Variants in KLHDC4 observed in about 807,000 individuals in gnomAD.
KLHDC4 encodes the protein kelch domain-containing protein 4.
KLHDC4 carries 90 observed loss-of-function variants against 62.4 expected under a neutral mutation model. That is an observed-to-expected ratio of 1.44 (90% CI 1.22 to 1.72). The LOEUF (loss-of-function observed/expected upper bound fraction) is 1.72. Ranked by LOEUF, KLHDC4 falls within the 40% of genes most tolerant of loss-of-function variation. The pLI is 0.00. For synonymous variants in KLHDC4, 386 were observed against 284.4 expected (o/e 1.36, Z -3.59); for missense variants, 1,025 against 699.7 (o/e 1.47, Z -5.25).
At position 87,709,495 on chromosome 16, in the gene KLHDC4, C is replaced by T. The variant is rs1171843742; in HGVS notation, c.1217G>A (p.Gly406Asp). The T allele has an allele frequency of 6.2e-7, 1 of 1,611,976 alleles. No homozygotes were observed. Among genetic ancestry groups the T allele is most frequent in the Non-Finnish European group, 8.5e-7 (1 of 1,179,870 alleles). ...VTIKQVLTAPGSAGQPRSEDE... is the reference protein window; with the variant it reads ...VTIKQVLTAPDSAGQPRSEDE... Reference sequence around the variant, plus strand: ...CTCAGACCGGGGCTGCCCCGCCGAGCCTGGCGCGGTGAGCACCTGCTTAAT... The same window carrying T: ...CTCAGACCGGGGCTGCCCCGCCGAGTCTGGCGCGGTGAGCACCTGCTTAAT... The change falls in exon 10 of 12, where the codon GGC (glycine) becomes GAC (aspartate). Residue 406 changes from glycine (G) to aspartate (D), a missense_variant. Coordinates refer to ENST00000270583, the MANE Select transcript of KLHDC4 (RefSeq NM_017566.4).
rs138345475 is a variant in KLHDC4 at position 87,729,882 on chromosome 16, G to C, written c.599+670C>G. On this transcript the variant is annotated intron_variant, in intron 6 of 11. Coordinates refer to ENST00000270583, the MANE Select transcript of KLHDC4 (RefSeq NM_017566.4). Reference sequence around the variant, plus strand: ...CACTCCAGGCCTCTGACTCAGAGCTGCGATCAGCACTCTAACCAGCCCTCT... The same window carrying C: ...CACTCCAGGCCTCTGACTCAGAGCTCCGATCAGCACTCTAACCAGCCCTCT... Among the ~76,000 whole-genome samples, 590 of 152,336 alleles carry C rather than the reference G, an allele frequency of 3.9e-3. 3 individuals are homozygous for C. The highest frequency in any genetic ancestry group is 0.012 in the African/African-American group (507 of 41,578).
At chr16:87,742,774 A>G (rs1005934870) in intron 5 of KLHDC4, among the ~76,000 whole-genome samples, 1 of 152,202 alleles carries the variant, frequency 6.6e-6, no homozygotes, top group Admixed American at 6.5e-5. Flanking sequence ...GCCAGCAGAC[A>G]GCTCTGCTGG....
downstream of KLHDC4, among the ~76,000 whole-genome samples, chr16:87,706,161 C>A (rs2034659914): frequency 8.1e-6 from 1 of 122,818 alleles, no homozygotes; most frequent in Admixed American, 1.0e-4. Context: ...CAGCGTAATG[C>A]AAACACAAGC....
chr16:87,724,706 G>A (rs1228360134), intron 7 of KLHDC4, among the ~76,000 whole-genome samples: 1 of 152,166 alleles, frequency 6.6e-6, no homozygotes, highest in Non-Finnish European at 1.5e-5. Flanking sequence ...GGGGGCAACT[G>A]GAACTCCCCA....
chr16:87,714,363 C>T, intron 8 of KLHDC4, 135 bp downstream of exon 8: 1 of 899,220 alleles, frequency 1.1e-6, no homozygotes, highest in Non-Finnish European at 1.5e-6. Flanking sequence ...CGAAATGAGC[C>T]ATCTCGGCAG....
At chr16:87,731,529 CAT>C (rs958824505) in intron 5 of KLHDC4, among the ~76,000 whole-genome samples, 22 of 152,048 alleles carry the variant, frequency 1.4e-4, no homozygotes, top group African/African-American at 5.3e-4. Context: ...GTCAGGGAAA[CAT>C]ATGCCAAGTC....
At chr16:87,750,799 G>C (rs1450930444) in intron 4 of KLHDC4, 5 of 152,236 alleles carry the variant, frequency 3.3e-5, no homozygotes, top group Admixed American at 1.3e-4. Context: ...CAGCACACAG[G>C]GGGTGGCGTG....
chr16:87,699,707 T>C (rs1193700351), exon 1 of KLHDC4: 3 of 152,154 alleles, frequency 2.0e-5, no homozygotes, highest in Admixed American at 6.5e-5. Flanking sequence ...AAAAACAAGA[T>C]ACACACTGTA....
chr16:87,750,641 G>A (rs990281891), intron 4 of KLHDC4, among the ~76,000 whole-genome samples: 1 of 152,198 alleles, frequency 6.6e-6, no homozygotes, highest in Non-Finnish European at 1.5e-5. Flanking sequence ...AGTGCGCCTC[G>A]GGTGGGGCAG....
At chr16:87,711,120 GA>G in intron 9 of KLHDC4, 114 bp downstream of exon 9, 1 of 967,952 alleles carries the variant, frequency 1.0e-6, no homozygotes, top group South Asian at 1.5e-5. Context: ...CCTCTTGAGA[GA>G]GCTCATGGGC....
intron 3 of KLHDC4, 175 bp from the exon 4 acceptor site, chr16:87,755,467 A>G (rs960285358): frequency 8.1e-6 from 4 of 492,482 alleles, no homozygotes; most frequent in East Asian, 7.5e-5. Context: ...ATGACGACAC[A>G]ATGAAAACGA....
At chr16:87,706,128 AGCT>A (rs1482076138), downstream of KLHDC4, among the ~76,000 whole-genome samples, 10 of 131,226 alleles carry the variant, frequency 7.6e-5, no homozygotes, top group African/African-American at 2.9e-4. Flanking sequence ...AGCAAACACA[AGCT>A]GCAGCCCTCG....
At chr16:87,751,866 G>T (rs1027946509) in intron 4 of KLHDC4, among the ~76,000 whole-genome samples, 2 of 151,880 alleles carry the variant, frequency 1.3e-5, no homozygotes, top group African/African-American at 4.8e-5. Context: ...GAGGCCAGGA[G>T]ATTAAGACCA....
intron 10 of KLHDC4, among the ~76,000 whole-genome samples, chr16:87,709,063 G>C (rs1020144293): frequency 6.6e-6 from 1 of 152,286 alleles, no homozygotes; most frequent in African/African-American, 2.4e-5. Context: ...CCGGGACAAA[G>C]GACAGACGTG....
At chr16:87,739,350 C>A (rs111210113) in intron 5 of KLHDC4, among the ~76,000 whole-genome samples, 59,164 of 66,888 alleles carry the variant, frequency 0.88, 25,784 homozygotes, top group Middle Eastern at 0.9. Context: ...CATCCACACA[C>A]CAGCATCTCA....
chr16:87,735,691 G>C (rs904191087), intron 5 of KLHDC4, among the ~76,000 whole-genome samples: 2 of 152,220 alleles, frequency 1.3e-5, no homozygotes, highest in African/African-American at 4.8e-5. Flanking sequence ...AACCCCAACA[G>C]GCTTCTCAAA....
At chr16:87,699,456 G>T (rs1207969277) in exon 1 of KLHDC4, 6 of 152,310 alleles carry the variant, frequency 3.9e-5, no homozygotes, top group African/African-American at 1.4e-4. Flanking sequence ...CACTTTGGGA[G>T]GCCAAGGCAG....
chr16:87,725,653 G>A (rs917761892), intron 7 of KLHDC4, among the ~76,000 whole-genome samples: 3 of 152,172 alleles, frequency 2.0e-5, no homozygotes, highest in South Asian at 2.1e-4. Context: ...GTGTGAAATG[G>A]GAGTGAAGCA....
chr16:87,754,698 G>T lies in KLHDC4; in HGVS notation c.369+496C>A, dbSNP rs114146000. 5.4e-3 allele frequency among the ~76,000 whole-genome samples: 819 copies of T among 152,264 alleles called. 7 individuals are homozygous for T. Among genetic ancestry groups the T allele is most frequent in the African/African-American group, 0.019 (787 of 41,552 alleles). Reference sequence around the variant, plus strand: ...CAGAGCTTACAGAACGTCTAACTCCGGAAGCCCCTTCCCTGACAGGAGAGC... The same window carrying T: ...CAGAGCTTACAGAACGTCTAACTCCTGAAGCCCCTTCCCTGACAGGAGAGC... On this transcript the variant is annotated intron_variant, in intron 4 of 11. Transcript: ENST00000270583.
Sources: gnomAD v4.1 joint callset for allele counts (sites outside exome capture counted in the v4.1 genomes callset) on GRCh38, gnomAD v4.1.1 for gene constraint, MANE v1.5 for transcripts, NCBI Gene and HGNC (gene_info 2026-07-23, HGNC 2026-07-21) for gene names.